The following ENPP6 variants were observed in gnomAD, a reference collection of about 807,000 sequenced individuals.
ENPP6 encodes glycerophosphocholine cholinephosphodiesterase ENPP6.
ENPP6 carries 32 observed loss-of-function variants against 42.0 expected under a neutral mutation model. That is an observed-to-expected ratio of 0.76 (90% CI 0.58 to 1.02). The LOEUF is 1.02. Ranked by LOEUF, ENPP6 falls within the 50% of genes least tolerant of loss-of-function variation. ENPP6 has a pLI of 0.00. For missense variants in ENPP6, 552 were observed against 566.8 expected (o/e 0.97, Z 0.27); for synonymous variants, 213 against 216.0 (o/e 0.99, Z 0.12).
intron 1 of ENPP6, among the ~76,000 whole-genome samples, chr4:184,177,081 G>A (rs957358690): frequency 2.0e-5 from 3 of 152,178 alleles, no homozygotes; most frequent in African/African-American, 7.2e-5. Context: ...GATTCTCAGT[G>A]GCCACTCGGC....
At chr4:184,138,545 A>G (rs1291569255) in intron 2 of ENPP6, among the ~76,000 whole-genome samples, 1 of 152,244 alleles carries the variant, frequency 6.6e-6, no homozygotes, top group Non-Finnish European at 1.5e-5. Flanking sequence ...AATGCATCTT[A>G]GGAATATTCT....
chr4:184,206,955 T>TAGGC (rs1733011015), intron 1 of ENPP6, among the ~76,000 whole-genome samples: 1 of 152,214 alleles, frequency 6.6e-6, no homozygotes. Flanking sequence ...GATGCAGGCT[T>TAGGC]AGGCCCTGGC....
At chr4:184,194,681 A>G (rs1732767340) in intron 1 of ENPP6, among the ~76,000 whole-genome samples, 1 of 152,196 alleles carries the variant, frequency 6.6e-6, no homozygotes, top group Admixed American at 6.5e-5. Context: ...GAAGGAGTCA[A>G]CCTGTCCCGG....
chr4:184,111,039 G>A (rs1736188751), intron 6 of ENPP6, among the ~76,000 whole-genome samples: 1 of 152,074 alleles, frequency 6.6e-6, no homozygotes, highest in Admixed American at 6.5e-5. Flanking sequence ...CTTTCTCGCT[G>A]GAATTGAGAT....
intron 1 of ENPP6, among the ~76,000 whole-genome samples, chr4:184,185,972 C>G (rs372646341): frequency 1.3e-5 from 2 of 152,158 alleles, no homozygotes; most frequent in African/African-American, 4.8e-5. Context: ...AATATCTTAC[C>G]CTTACCCATG....
chr4:184,152,115 C>T (rs1356005297), intron 2 of ENPP6, among the ~76,000 whole-genome samples: 1 of 152,172 alleles, frequency 6.6e-6, no homozygotes, highest in Non-Finnish European at 1.5e-5. Flanking sequence ...TGCAGCCTGC[C>T]CTGGCCTTCA....
At chr4:184,127,679 C>T (rs941035114) in intron 2 of ENPP6, among the ~76,000 whole-genome samples, 1 of 152,134 alleles carries the variant, frequency 6.6e-6, no homozygotes, top group Non-Finnish European at 1.5e-5. Context: ...ATCCCTTGAA[C>T]CTGGTGGGTG....
At chr4:184,193,043 A>G (rs1405024603) in intron 1 of ENPP6, among the ~76,000 whole-genome samples, 1 of 152,242 alleles carries the variant, frequency 6.6e-6, no homozygotes, top group Non-Finnish European at 1.5e-5. Flanking sequence ...GTGAAAATGT[A>G]AAATGGTGCA....
intron 2 of ENPP6, among the ~76,000 whole-genome samples, chr4:184,150,048 A>C (rs368249464): frequency 5.6e-4 from 85 of 151,894 alleles, no homozygotes; most frequent in African/African-American, 2.0e-3. Flanking sequence ...CTCAGCTCTT[A>C]CTCCTTGCAG....
chr4:184,143,635 A>C (rs747176005), intron 2 of ENPP6, among the ~76,000 whole-genome samples: 11 of 152,074 alleles, frequency 7.2e-5, no homozygotes, highest in Non-Finnish European at 1.6e-4. Context: ...ATTGGCCCTC[A>C]TGGCCAATCC....
intron 2 of ENPP6, among the ~76,000 whole-genome samples, chr4:184,145,050 CAGGAGG>C (rs954545896): frequency 1.3e-5 from 2 of 152,100 alleles, no homozygotes; most frequent in African/African-American, 4.8e-5. Context: ...GGTGGAGCGC[CAGGAGG>C]AGGAGGAGGA....
intron 1 of ENPP6, among the ~76,000 whole-genome samples, chr4:184,162,021 C>A (rs1340622400): frequency 6.6e-6 from 1 of 152,116 alleles, no homozygotes; most frequent in Non-Finnish European, 1.5e-5. Flanking sequence ...TCCCCAAAAC[C>A]TATTGAAATA....
intron 3 of ENPP6, among the ~76,000 whole-genome samples, chr4:184,118,965 G>A (rs1736369972): frequency 6.6e-6 from 1 of 152,204 alleles, no homozygotes; most frequent in African/African-American, 2.4e-5. Flanking sequence ...TCTTTGCCAT[G>A]TAAAAAGTTC....
intron 6 of ENPP6, among the ~76,000 whole-genome samples, chr4:184,109,085 C>T (rs1736155191): frequency 6.6e-6 from 1 of 152,080 alleles, no homozygotes; most frequent in Non-Finnish European, 1.5e-5. Context: ...GTGGTGGGCA[C>T]CTGTAATCTC....
In ENPP6 at chr4:184,106,710, C is replaced by T. The variant is rs139029711; in HGVS notation, c.993+5962G>A. Among the ~76,000 whole-genome samples, 915 of 152,186 alleles carry T rather than the reference C, an allele frequency of 6.0e-3. 14 individuals carry two copies. The highest frequency in any genetic ancestry group is 0.021 in the African/African-American group (866 of 41,506). On this transcript the variant is annotated intron_variant, in intron 6 of 7. Coordinates refer to ENST00000296741, the MANE Select transcript of ENPP6 (RefSeq NM_153343.4). ...GTGTCCATGACAGCTCTTACCATGGCGACTTATTTGTGTGGCATGCGTGTT... is the reference window on the plus strand; with the variant it reads ...GTGTCCATGACAGCTCTTACCATGGTGACTTATTTGTGTGGCATGCGTGTT...
At chr4:184,123,194 A>G (rs565998220) in intron 3 of ENPP6, among the ~76,000 whole-genome samples, 108 of 152,222 alleles carry the variant, frequency 7.1e-4, no homozygotes, top group African/African-American at 2.5e-3. Flanking sequence ...TCACCATGGC[A>G]TCGGAAGGGC....
chr4:184,098,658 T>G (rs1735950643), intron 6 of ENPP6, among the ~76,000 whole-genome samples: 4 of 152,132 alleles, frequency 2.6e-5, no homozygotes, highest in Admixed American at 2.0e-4. Context: ...CCGACACACT[T>G]CTTTTCTTTG....
chr4:184,140,157 A>C (rs566262148), intron 2 of ENPP6, among the ~76,000 whole-genome samples: 26 of 152,062 alleles, frequency 1.7e-4, no homozygotes, highest in Middle Eastern at 6.8e-3. Flanking sequence ...AAATGTCTTC[A>C]AATACCTAGG....
intron 2 of ENPP6, among the ~76,000 whole-genome samples, chr4:184,131,307 C>CCTTCCTTCCTTCCTTCCTTT: frequency 6.9e-6 from 1 of 144,074 alleles, no homozygotes; most frequent in Non-Finnish European, 1.5e-5. Flanking sequence ...TTCCTTCCTT[C>CCTTCCTTCCTTCCTTCCTTT]CTTTCTCTCT....
Sources: gnomAD v4.1 joint callset for allele counts (sites outside exome capture counted in the v4.1 genomes callset) on GRCh38, gnomAD v4.1.1 for gene constraint, MANE v1.5 for transcripts, NCBI Gene and HGNC (gene_info 2026-07-23, HGNC 2026-07-21) for gene names.